Variants in SDK1 observed in about 807,000 individuals in gnomAD.
SDK1 encodes the protein sidekick cell adhesion molecule 1.
A neutral mutation model predicts 245.5 loss-of-function variants in SDK1; 157 were observed. The observed-to-expected ratio is 0.64, with a 90% CI of 0.56 to 0.73. The LOEUF is 0.73. Ranked by LOEUF, SDK1 falls within the 30% of genes least tolerant of loss-of-function variation. The pLI, the probability that SDK1 is intolerant of heterozygous loss-of-function variation, is 0.00. For synonymous variants in SDK1, 1,647 were observed against 1,278.5 expected (o/e 1.29, Z -6.15); for missense variants, 3,583 against 3,002.3 (o/e 1.19, Z -4.52).
chr7:3,987,398 A>C, intron 14 of SDK1, 76 bp downstream of exon 14: 1 of 1,492,588 alleles, frequency 6.7e-7, no homozygotes. Flanking sequence ...CTTAACCTTT[A>C]CTTCTGGGTC....
intron 13 of SDK1, among the ~76,000 whole-genome samples, chr7:3,975,037 C>A (rs796616508): frequency 6.6e-5 from 10 of 152,226 alleles, no homozygotes; most frequent in African/African-American, 2.4e-4. Flanking sequence ...CTTGTGAAAT[C>A]TTGAAAACAG....
intron 1 of SDK1, among the ~76,000 whole-genome samples, chr7:3,474,610 A>G (rs1343211761): frequency 1.3e-5 from 2 of 151,806 alleles, no homozygotes; most frequent in African/African-American, 4.8e-5. Flanking sequence ...TACTTCCTAC[A>G]TTTCTCTGTA....
At chr7:4,218,891 GTT>G (rs796089562) in intron 38 of SDK1, among the ~76,000 whole-genome samples, 1 of 145,904 alleles carries the variant, frequency 6.9e-6, no homozygotes, top group African/African-American at 2.5e-5. Context: ...TTATCTAACT[GTT>G]TTTTTTTTTA....
rs1005788651 is a variant in SDK1 at position 3,317,136 on chromosome 7, G to A, written c.298+15252G>A. On this transcript the variant is annotated intron_variant, in intron 1 of 44. Coordinates refer to ENST00000404826, the MANE Select transcript of SDK1 (RefSeq NM_152744.4). ...GTCAAGTCTGCAGTGAGCCATGACC[G>A]CACCACTGCATTCCAACCTGGGCAA... Among the ~76,000 whole-genome samples, 22 of 116,330 alleles carry A rather than the reference G, an allele frequency of 1.9e-4. 1 individual carries two copies. The highest frequency in any genetic ancestry group is 8.8e-4 in the East Asian group (3 of 3,422). 76.3% of individuals were successfully genotyped at this position (116,330 alleles called of 152,430 possible).
At chr7:3,564,802 C>T (rs947012458) in intron 1 of SDK1, among the ~76,000 whole-genome samples, 2 of 152,000 alleles carry the variant, frequency 1.3e-5, no homozygotes, top group Admixed American at 6.6e-5. Flanking sequence ...CTTTTATGAA[C>T]TAATCCAGAA....
intron 4 of SDK1, among the ~76,000 whole-genome samples, chr7:3,726,848 A>C (rs143941081): frequency 6.6e-6 from 1 of 152,100 alleles, no homozygotes; most frequent in East Asian, 1.9e-4. Flanking sequence ...TCTTTACTCA[A>C]CCCTTGACAT....
chr7:3,858,823 G>A (rs1004735574), intron 5 of SDK1, among the ~76,000 whole-genome samples: 1 of 148,340 alleles, frequency 6.7e-6, no homozygotes, highest in African/African-American at 2.5e-5. Flanking sequence ...TATAACAGTT[G>A]TCCCAAAATT....
In SDK1 at chr7:4,201,676, C is replaced by T. The variant is rs551211211; in HGVS notation, c.5099-4203C>T. ...GGCTCCGGTGACAGGAGGCGCCTGG[C>T]GTGGCACAGCGTGGCTCTAGTGACA... On this transcript the variant is annotated intron_variant, in intron 35 of 44. Coordinates refer to ENST00000404826, the MANE Select transcript of SDK1 (RefSeq NM_152744.4). 7.2e-5 allele frequency among the ~76,000 whole-genome samples: 11 copies of T among 152,264 alleles called. No individual in the cohort carries two copies. The South Asian group carries it at 1.9e-3, about 26-fold the overall frequency.
intron 1 of SDK1, among the ~76,000 whole-genome samples, chr7:3,504,182 A>ATGTGTGTGTGTGTGTGTGTG (rs56306302): frequency 0.049 from 6,478 of 131,734 alleles, 202 homozygotes; most frequent in South Asian, 0.091. Flanking sequence ...ATATATATAT[A>ATGTGTGTGTGTGTGTGTGTG]TGTGTGTGTG....
intron 35 of SDK1, among the ~76,000 whole-genome samples, chr7:4,201,168 T>G (rs1185712980): frequency 6.6e-6 from 1 of 152,218 alleles, no homozygotes; most frequent in East Asian, 1.9e-4. Context: ...ACTTCTGCCT[T>G]GAGTCATTGC....
At chr7:3,605,388 T>G (rs896233359) in intron 1 of SDK1, among the ~76,000 whole-genome samples, 12 of 152,198 alleles carry the variant, frequency 7.9e-5, no homozygotes, top group African/African-American at 2.7e-4. Context: ...AAAAATATTC[T>G]CAAGGAAAAA....
At position 3,886,400 on chromosome 7, in the gene SDK1, C is replaced by A. The variant is rs572761835; in HGVS notation, c.848-64523C>A. Among the ~76,000 whole-genome samples the A allele has an allele frequency of 2.0e-5, 3 of 152,354 alleles. No homozygotes were observed. In the South Asian group the frequency reaches 6.2e-4, roughly 32 times the overall value. The stretch of plus-strand genomic sequence containing the variant: ...ACAGGCAGCAGCAGCACGGCTGCAC[C>A]AGACCATCGGGGTATTTTTACTTTA... On this transcript the variant is annotated intron_variant, in intron 5 of 44. Coordinates refer to ENST00000404826, the MANE Select transcript of SDK1 (RefSeq NM_152744.4).
At chr7:3,678,017 GTCA>G (rs1783964326) in intron 4 of SDK1, among the ~76,000 whole-genome samples, 1 of 152,204 alleles carries the variant, frequency 6.6e-6, no homozygotes, top group Non-Finnish European at 1.5e-5. Flanking sequence ...GATGTTCAGT[GTCA>G]TTAGTCATTA....
intron 12 of SDK1, among the ~76,000 whole-genome samples, chr7:3,973,946 C>T (rs1415974161): frequency 6.6e-6 from 1 of 151,974 alleles, no homozygotes; most frequent in Non-Finnish European, 1.5e-5. Context: ...GTTTGGGAGG[C>T]CGAGACGGGC....
chr7:4,227,275 C>T (rs530218166), intron 40 of SDK1: 6 of 436,308 alleles, frequency 1.4e-5, no homozygotes, highest in African/African-American at 2.0e-5. Context: ...TTCTCATAAG[C>T]TGCTTGTCTT....
At chr7:3,922,333 ACCT>A (rs1235305491) in intron 5 of SDK1, among the ~76,000 whole-genome samples, 2 of 152,022 alleles carry the variant, frequency 1.3e-5, no homozygotes, top group Non-Finnish European at 2.9e-5. Context: ...GACCCTGGGC[ACCT>A]CCTCCCAGCT....
At chr7:3,312,834 T>C (rs1554256415) in intron 1 of SDK1, among the ~76,000 whole-genome samples, 4 of 152,148 alleles carry the variant, frequency 2.6e-5, no homozygotes, top group Non-Finnish European at 5.9e-5. Flanking sequence ...ATAGAATGGC[T>C]GAGAAGTTTT....
intron 1 of SDK1, among the ~76,000 whole-genome samples, chr7:3,438,492 T>C (rs1000461783): frequency 5.9e-5 from 9 of 152,180 alleles, no homozygotes; most frequent in Admixed American, 6.5e-5. Flanking sequence ...GTCTACACAG[T>C]GAGGACAGCT....
chr7:4,191,674 G>A (rs1008021175), intron 35 of SDK1, among the ~76,000 whole-genome samples: 13 of 152,252 alleles, frequency 8.5e-5, no homozygotes, highest in African/African-American at 2.9e-4. Context: ...GAGGATCACC[G>A]GCCTGGGCCT....
Sources: allele counts gnomAD v4.1 joint callset (sites outside exome capture counted in the v4.1 genomes callset), GRCh38; gene constraint gnomAD v4.1.1; transcripts MANE v1.5; gene names NCBI Gene and HGNC (gene_info 2026-07-23, HGNC 2026-07-21).